TENM3: variants seen among roughly 807,000 people sequenced by gnomAD.
TENM3 encodes teneurin-3.
Under a neutral mutation model 255.1 loss-of-function variants are expected in TENM3, and 63 were observed. The ratio of observed to expected loss-of-function variants is 0.25; its 90% CI spans 0.20 to 0.30. The LOEUF (loss-of-function observed/expected upper bound fraction) is 0.30. Among genes scored for constraint, TENM3 ranks in the 10% least tolerant of loss-of-function variants. The probability of loss-of-function intolerance (pLI) is 1.00; values close to 1 mark genes in which losing one functional copy is unlikely to be tolerated. For synonymous variants in TENM3, 1,306 were observed against 1,322.3 expected, an observed-to-expected ratio of 0.99 and a Z score of 0.27; for missense variants, 2,929 against 3,461.1, an observed-to-expected ratio of 0.85 and a Z score of 3.86.
Position 182,193,672 on chromosome 4 carries a change from A to G in TENM3, c.-76+48918A>G, listed in dbSNP as rs567724851. Among the ~76,000 whole-genome samples the G allele has an allele frequency of 4.6e-4, 70 of 152,228 alleles. 1 individual carries two copies. In the South Asian group the frequency reaches 4.8e-3, roughly 10 times the overall value. On this transcript the variant is annotated intron_variant, in intron 1 of 2. Coordinates refer to the TENM3 transcript ENST00000512480. ...CTTGATTAAAAAGATTGACATGTTTATTTTTTGGCTGACCTATTTGGGTAG... is the reference window on the plus strand; with the variant it reads ...CTTGATTAAAAAGATTGACATGTTTGTTTTTTGGCTGACCTATTTGGGTAG...
intron 1 of TENM3, among the ~76,000 whole-genome samples, chr4:182,319,300 G>A (rs528897454): frequency 2.0e-5 from 3 of 152,252 alleles, no homozygotes; most frequent in Admixed American, 6.5e-5. Flanking sequence ...TAACCTTCTC[G>A]TCTTCAGCCT....
the TENM3 span, among the ~76,000 whole-genome samples, chr4:181,985,267 C>T: frequency 6.6e-6 from 1 of 151,734 alleles, no homozygotes; most frequent in African/African-American, 2.4e-5. Flanking sequence ...CACATGGCCC[C>T]TAAAAACATC....
the TENM3 span, among the ~76,000 whole-genome samples, chr4:181,985,316 A>G: frequency 6.9e-6 from 1 of 144,638 alleles, no homozygotes; most frequent in Non-Finnish European, 1.5e-5. Context: ...AGGTTCCCAT[A>G]GAGAAAAAAA....
the TENM3 span, among the ~76,000 whole-genome samples, chr4:181,543,664 G>T: frequency 6.6e-6 from 1 of 152,134 alleles, no homozygotes; most frequent in Non-Finnish European, 1.5e-5. Context: ...CAACACTTAG[G>T]TGAGTATCAA....
chr4:182,465,211 A>C (rs1477533289), intron 3 of TENM3, among the ~76,000 whole-genome samples: 1 of 152,226 alleles, frequency 6.6e-6, no homozygotes. Flanking sequence ...ATAAATTACT[A>C]AGATCAAACA....
intron 3 of TENM3, among the ~76,000 whole-genome samples, chr4:182,457,032 C>T (rs1773929867): frequency 6.6e-6 from 1 of 151,714 alleles, no homozygotes; most frequent in African/African-American, 2.4e-5. Context: ...AAAATACGAA[C>T]AAATTAGCCG....
chr4:182,775,257 G>GAGTAT (rs2152800633), intron 24 of TENM3, 104 bp downstream of exon 24: 14 of 965,426 alleles, frequency 1.5e-5, no homozygotes, highest in Non-Finnish European at 2.1e-5. Flanking sequence ...TGTCTACACT[G>GAGTAT]AGTATGAGCA....
the TENM3 span, among the ~76,000 whole-genome samples, chr4:181,701,211 T>C: frequency 6.6e-6 from 1 of 152,232 alleles, no homozygotes; most frequent in Non-Finnish European, 1.5e-5. Flanking sequence ...GAGACTGGCA[T>C]GACAAAGTAA....
the TENM3 span, among the ~76,000 whole-genome samples, chr4:181,785,825 C>CAT: frequency 6.6e-6 from 1 of 151,760 alleles, no homozygotes; most frequent in Non-Finnish European, 1.5e-5. Context: ...TACACACACA[C>CAT]ACACACACAC....
the TENM3 span, among the ~76,000 whole-genome samples, chr4:181,746,114 A>G: frequency 6.6e-6 from 1 of 152,060 alleles, no homozygotes; most frequent in Admixed American, 6.6e-5. Flanking sequence ...GTGTAGGTGC[A>G]GCTGCAGGCT....
chr4:182,616,637 C>T lies in TENM3; in HGVS notation c.750-12014C>T, dbSNP rs373414981. 1.1e-4 allele frequency among the ~76,000 whole-genome samples: 16 copies of T among 150,192 alleles called. No individual in the cohort carries two copies. The South Asian group carries it at 2.8e-3, about 26-fold the overall frequency. ...CCTTTTGCAAGTTTCTGCAGATGCT[C>T]GTGTGGGTGGGCTTCTCCCGGAAGA... is the stretch of plus-strand genomic sequence containing the variant. On this transcript the variant is annotated intron_variant, in intron 4 of 27. Transcript: ENST00000511685.
chr4:182,090,708 C>T, the TENM3 span, among the ~76,000 whole-genome samples: 2 of 152,202 alleles, frequency 1.3e-5, no homozygotes, highest in Admixed American at 1.3e-4. Context: ...TTCCTAACAA[C>T]CTTCACTGAA....
chr4:182,771,648 A>T (rs898026510), intron 22 of TENM3, among the ~76,000 whole-genome samples: 13 of 152,214 alleles, frequency 8.5e-5, no homozygotes, highest in African/African-American at 2.7e-4. Flanking sequence ...GAACGACAGA[A>T]CTTTAGGCTG....
At chr4:181,532,933 A>G in the TENM3 span, among the ~76,000 whole-genome samples, 3 of 152,208 alleles carry the variant, frequency 2.0e-5, no homozygotes, top group African/African-American at 4.8e-5. Context: ...GTTTTTAGGT[A>G]TTAAAAGGAT....
chr4:181,487,306 T>C, the TENM3 span, among the ~76,000 whole-genome samples: 7 of 152,170 alleles, frequency 4.6e-5, no homozygotes, highest in Non-Finnish European at 1.0e-4. Flanking sequence ...GGCACGCCTA[T>C]GAGTAAATCT....
At chr4:182,497,606 T>C (rs2871320) in intron 3 of TENM3, among the ~76,000 whole-genome samples, 22,977 of 152,090 alleles carry the variant, frequency 0.15, 2,057 homozygotes, top group Non-Finnish European at 0.2. Context: ...CAGTGAGCTT[T>C]GGATGAAACT....
chr4:181,485,274 C>A, the TENM3 span, among the ~76,000 whole-genome samples: 2 of 152,078 alleles, frequency 1.3e-5, no homozygotes, highest in African/African-American at 4.8e-5. Context: ...AATAAGGACA[C>A]TTTTAAACTG....
the TENM3 span, among the ~76,000 whole-genome samples, chr4:181,628,052 C>T: frequency 6.6e-6 from 1 of 152,158 alleles, no homozygotes; most frequent in South Asian, 2.1e-4. Flanking sequence ...GATGGTATCT[C>T]ATTGTGGTTT....
intron 3 of TENM3, among the ~76,000 whole-genome samples, chr4:182,378,972 C>T (rs1006540812): frequency 1.8e-4 from 27 of 152,160 alleles, no homozygotes; most frequent in Middle Eastern, 6.8e-3. Context: ...GCAGAAGGTG[C>T]GTACCGTGGC....
Sources: allele counts gnomAD v4.1 joint callset (sites outside exome capture counted in the v4.1 genomes callset), GRCh38; gene constraint gnomAD v4.1.1; transcripts MANE v1.5; gene names NCBI Gene and HGNC (gene_info 2026-07-23, HGNC 2026-07-21).